The following CNTN6 variants were observed in gnomAD, a reference collection of about 807,000 sequenced individuals.
The protein encoded by CNTN6 is contactin-6.
A neutral mutation model predicts 122.8 loss-of-function variants in CNTN6; 137 were observed. That is an observed-to-expected ratio of 1.12 (90% CI 0.97 to 1.29). CNTN6 has a LOEUF of 1.29. Ranked by LOEUF, CNTN6 falls within the 50% of genes most tolerant of loss-of-function variation. The pLI, the probability that CNTN6 is intolerant of heterozygous loss-of-function variation, is 0.00. For synonymous variants in CNTN6, 570 were observed against 426.0 expected (o/e 1.34, Z -4.16); for missense variants, 1,634 against 1,223.4 (o/e 1.34, Z -5.01).
intron 17 of CNTN6, among the ~76,000 whole-genome samples, chr3:1,381,282 T>G (rs1409921413): frequency 6.6e-6 from 1 of 152,152 alleles, no homozygotes; most frequent in Non-Finnish European, 1.5e-5. Context: ...TTACTTCTAG[T>G]CTCCCTATGA....
At chr3:1,267,325 C>T (rs2094942401) in intron 4 of CNTN6, among the ~76,000 whole-genome samples, 1 of 152,012 alleles carries the variant, frequency 6.6e-6, no homozygotes, top group South Asian at 2.1e-4. Context: ...AGTCCCTATT[C>T]AATAAAAGGC....
At chr3:1,325,652 C>T (rs967073121) in intron 8 of CNTN6, among the ~76,000 whole-genome samples, 163 bp from the exon 9 acceptor site, 1 of 151,798 alleles carries the variant, frequency 6.6e-6, no homozygotes, top group African/African-American at 2.4e-5. Flanking sequence ...TTCTGTCAAC[C>T]CGCATTGAAG....
Position 1,377,697 on chromosome 3 carries a change from C to T in CNTN6, c.2166+622C>T, listed in dbSNP as rs1015816009. ...GTGCCTCAGCCTAAGAATTCTATAGCGTGAAAGGGAATACGTGGTCAGTTC... is the reference window on the plus strand; with the variant it reads ...GTGCCTCAGCCTAAGAATTCTATAGTGTGAAAGGGAATACGTGGTCAGTTC... On this transcript the variant is annotated intron_variant, in intron 17 of 22. Transcript: ENST00000446702. Among the ~76,000 whole-genome samples the T allele has an allele frequency of 5.3e-5, 8 of 152,084 alleles. 1 individual carries two copies. The highest frequency in any genetic ancestry group is 2.6e-4 in the Admixed American group (4 of 15,266).
chr3:1,356,004 C>T (rs180768438), intron 12 of CNTN6, among the ~76,000 whole-genome samples: 585 of 151,788 alleles, frequency 3.9e-3, no homozygotes, highest in South Asian at 7.1e-3. Flanking sequence ...GCTTTTCCAG[C>T]GCCTCAGAAG....
In CNTN6 at chr3:1,326,036, G is replaced by A; in HGVS notation, c.1083+85G>A. ...ACAGTACTAGTAACTAACAGAAACAGCTAATGTTAATGGAGTCTTTGGTAT... is the reference window on the plus strand; with the variant it reads ...ACAGTACTAGTAACTAACAGAAACAACTAATGTTAATGGAGTCTTTGGTAT... On this transcript the variant is annotated intron_variant, in intron 9 of 22. Coordinates refer to ENST00000446702, the MANE Select transcript of CNTN6 (RefSeq NM_001289080.2). 5.9e-6 allele frequency: 7 copies of A among 1,191,416 alleles called. No homozygotes were observed. In the South Asian group the frequency reaches 1.1e-4, roughly 18 times the overall value. 73.8% of individuals were successfully genotyped at this position (1,191,416 alleles called of 1,614,324 possible).
At chr3:1,122,471 C>T (rs1274090084) in intron 1 of CNTN6, among the ~76,000 whole-genome samples, 3 of 149,556 alleles carry the variant, frequency 2.0e-5, no homozygotes, top group Non-Finnish European at 4.5e-5. Context: ...TAAAAGTAAC[C>T]GTTGTAAAGT....
intron 1 of CNTN6, among the ~76,000 whole-genome samples, chr3:1,097,347 A>G (rs1323443047): frequency 6.6e-6 from 1 of 152,230 alleles, no homozygotes; most frequent in Non-Finnish European, 1.5e-5. Flanking sequence ...CTGAGTAGAA[A>G]ACTTATATGT....
chr3:1,129,918 CTT>C (rs1255308726), intron 1 of CNTN6, among the ~76,000 whole-genome samples: 7 of 152,054 alleles, frequency 4.6e-5, no homozygotes, highest in Non-Finnish European at 1.0e-4. Flanking sequence ...TTTTTCAAGA[CTT>C]TTATAAAATA....
chr3:1,255,425 AAAAGAAAGAAAG>A (rs561663204), intron 4 of CNTN6, among the ~76,000 whole-genome samples: 1 of 144,288 alleles, frequency 6.9e-6, no homozygotes, highest in African/African-American at 2.8e-5. Context: ...TGGAAAAAAA[AAAAGAAAGAAAG>A]AAAGAAAGAA....
At position 1,131,026 on chromosome 3, in the gene CNTN6, A is replaced by G. The variant is rs959741018; in HGVS notation, c.-82-16901A>G. The stretch of plus-strand genomic sequence containing the variant: ...GAACTGAGAACTCTTTCTCACAGCT[A>G]TCAGGTTGTTCCAGCGAAATAACAG... On this transcript the variant is annotated intron_variant, in intron 1 of 22. Coordinates refer to ENST00000446702, the MANE Select transcript of CNTN6 (RefSeq NM_001289080.2). Among the ~76,000 whole-genome samples the G allele has an allele frequency of 2.4e-4, 36 of 152,140 alleles. 1 individual carries two copies. Among genetic ancestry groups the G allele is most frequent in the Admixed American group, 2.0e-4 (3 of 15,250 alleles).
chr3:1,382,083 A>T (rs1475007999), intron 17 of CNTN6, among the ~76,000 whole-genome samples: 1 of 151,424 alleles, frequency 6.6e-6, no homozygotes, highest in Non-Finnish European at 1.5e-5. Flanking sequence ...TGTTGCCTTT[A>T]TTAGTCTGTC....
intron 2 of CNTN6, chr3:1,173,357 T>C (rs1404020205): frequency 2.2e-6 from 1 of 455,178 alleles, no homozygotes; most frequent in African/African-American, 2.0e-5. Flanking sequence ...CTGCCTTTAC[T>C]AAGCTTTACA....
chr3:1,366,516 A>G (rs541756186), intron 12 of CNTN6, among the ~76,000 whole-genome samples: 1 of 152,270 alleles, frequency 6.6e-6, no homozygotes, highest in East Asian at 1.9e-4. Flanking sequence ...TTTCTTAAGA[A>G]TTTAAGGTGT....
chr3:1,196,333 G>A (rs1326630547), intron 2 of CNTN6, among the ~76,000 whole-genome samples: 2 of 152,172 alleles, frequency 1.3e-5, no homozygotes, highest in Non-Finnish European at 2.9e-5. Context: ...TCTTCAGTTG[G>A]GGCCTGCATT....
chr3:1,377,927 G>A (rs1393758693), intron 17 of CNTN6, among the ~76,000 whole-genome samples: 5 of 152,034 alleles, frequency 3.3e-5, no homozygotes, highest in Non-Finnish European at 5.9e-5. Context: ...GGGTTTCTGC[G>A]TTTTTTAATT....
At chr3:1,400,370 C>T (rs1560047246) in intron 20 of CNTN6, among the ~76,000 whole-genome samples, 1 of 152,048 alleles carries the variant, frequency 6.6e-6, no homozygotes, top group Non-Finnish European at 1.5e-5. Flanking sequence ...TAAGTGACTT[C>T]CCAACCTGGA....
intron 2 of CNTN6, among the ~76,000 whole-genome samples, chr3:1,151,208 A>G (rs956809542): frequency 4.6e-5 from 7 of 152,226 alleles, no homozygotes; most frequent in South Asian, 2.1e-4. Flanking sequence ...TTAAGCTTCC[A>G]GATGGCAGGG....
intron 7 of CNTN6, among the ~76,000 whole-genome samples, chr3:1,308,720 C>T (rs1168869397): frequency 1.3e-5 from 2 of 152,094 alleles, no homozygotes; most frequent in East Asian, 3.9e-4. Flanking sequence ...ACAGTGCTGT[C>T]CCATTTTGCA....
chr3:1,343,861 A>G (rs1704251369), intron 11 of CNTN6, among the ~76,000 whole-genome samples: 1 of 152,192 alleles, frequency 6.6e-6, no homozygotes, highest in South Asian at 2.1e-4. Flanking sequence ...ACTCAGGCAC[A>G]TATTCAAAGT....
Sources: gnomAD v4.1 joint callset for allele counts (sites outside exome capture counted in the v4.1 genomes callset) on GRCh38, gnomAD v4.1.1 for gene constraint, MANE v1.5 for transcripts, NCBI Gene and HGNC (gene_info 2026-07-23, HGNC 2026-07-21) for gene names.